MTRR: variants seen among roughly 807,000 people sequenced by gnomAD.
MTRR encodes 5-methyltetrahydrofolate-homocysteine methyltransferase reductase.
In MTRR, 63 loss-of-function variants were observed where a neutral mutation model predicts 79.2. The ratio of observed to expected loss-of-function variants is 0.80; its 90% confidence interval spans 0.65 to 0.98. The LOEUF (loss-of-function observed/expected upper bound fraction) is 0.98. Ranked by LOEUF, MTRR falls within the 50% of genes least tolerant of loss-of-function variation. MTRR has a pLI of 0.00. For synonymous variants in MTRR, 355 were observed against 313.3 expected, an observed-to-expected ratio of 1.13 and a Z score of -1.41; for missense variants, 895 against 839.6, an observed-to-expected ratio of 1.07 and a Z score of -0.82.
At position 7,885,681 on chromosome 5, in the gene MTRR, T is replaced by TTC. The variant is rs1554003809; in HGVS notation, c.904-20_904-19insTC. On this transcript the variant is annotated intron_variant, in intron 6 of 14. Transcript: ENST00000440940. ...ACACGTATAATGTATTTTTTTTTTT[T>TTC]CATTTTGGCTCTTCTCTAGAATACA... is the stretch of plus-strand genomic sequence containing the variant. 259,793 of 1,580,366 alleles carry TTC rather than the reference T, an allele frequency of 0.16. 8,619 individuals carry two copies. Among genetic ancestry groups the TTC allele is most frequent in the Non-Finnish European group, 0.18 (212,270 of 1,152,956 alleles).
intron 12 of MTRR, 28 bp from the exon 13 acceptor site, chr5:7,896,836 C>G (rs765923727): frequency 5.7e-6 from 9 of 1,577,778 alleles, no homozygotes. Context: ...TTATATCACA[C>G]ACCTAAACTT....
exon 1 of MTRR, chr5:7,851,256 CTCCTTCCT>C: frequency 2.4e-6 from 1 of 412,612 alleles, no homozygotes. Context: ...CCTGGGGTCT[CTCCTTCCT>C]TCCTCCTCGG....
At position 7,897,166 on chromosome 5, in the gene MTRR, A is replaced by C; in HGVS notation, c.1871A>C (p.Tyr624Ser). ...GGGGAGGAGGAAGCCCCAGCAAAGT[A>C]TGTGCAAGACAACATCCAGCTTCAT... is the stretch of plus-strand genomic sequence containing the variant. ...PVGEEEAPAK[Y>S]VQDNIQLHGQ... Residue 624 changes from tyrosine (Y) to serine (S), a missense_variant, in exon 14 of 15, where the codon TAT becomes TCT. Physicochemically the swap from Tyr to Ser is moderately radical, Grantham distance 144. Transcript: ENST00000440940. 6.2e-7 allele frequency: 1 copy of C among 1,614,174 alleles called. No individual in the cohort carries two copies. Among genetic ancestry groups the C allele is most frequent in the Non-Finnish European group, 8.5e-7 (1 of 1,180,032 alleles).
intron 3 of MTRR, among the ~76,000 whole-genome samples, chr5:7,874,343 C>T (rs1748492483): frequency 6.6e-6 from 1 of 152,018 alleles, no homozygotes; most frequent in South Asian, 2.1e-4. Context: ...TGGCAATGAT[C>T]TGTCATATAT....
chr5:7,868,189 A>C, upstream of MTRR: 17 of 482,230 alleles, frequency 3.5e-5, no homozygotes, highest in Admixed American at 8.6e-5. Context: ...GAAACTACAA[A>C]CGAGTATCTG....
chr5:7,896,983 C>T lies in MTRR; in HGVS notation c.1769+27C>T, dbSNP rs377156273. On this transcript the variant is annotated intron_variant, in intron 13 of 14. Transcript: ENST00000440940. The stretch of plus-strand genomic sequence containing the variant: ...TATTGTACAATTCCAGTATTGTACT[C>T]AACCACTGAGTGTACAATTCTAATT... 9 of 1,609,820 alleles carry T rather than the reference C, an allele frequency of 5.6e-6. No homozygotes were observed. The African/African-American group carries it at 1.2e-4, about 22-fold the overall frequency.
In MTRR at chr5:7,857,789, T is replaced by C. The variant is rs116094267; in HGVS notation, n.392-4162T>C. ...TGTGCCCAGCGTGATCAGAACTGTC[T>C]GCTGAATGCGTACGTGAAGAGGGTA... is the stretch of plus-strand genomic sequence containing the variant. On this transcript the variant is annotated intron_variant and non_coding_transcript_variant, in intron 1 of 3. Coordinates refer to the MTRR transcript ENST00000502509. Among the ~76,000 whole-genome samples the C allele has an allele frequency of 4.0e-3, 614 of 152,312 alleles. 8 individuals carry two copies. The highest frequency in any genetic ancestry group is 0.014 in the African/African-American group (573 of 41,560).
intron 4 of MTRR, among the ~76,000 whole-genome samples, chr5:7,877,657 G>A (rs1734803936): frequency 6.6e-6 from 1 of 152,038 alleles, no homozygotes; most frequent in Non-Finnish European, 1.5e-5. Flanking sequence ...TGGAATATTA[G>A]GAGGAATTCT....
chr5:7,892,768 A>G lies in MTRR; in HGVS notation c.1412A>G (p.Asn471Ser), dbSNP rs915446132. ...CCAGGAAAGCTCCATTTTGTCTTCA[A>G]CATTGTGGAATTTCTGTCTACTGCC... ...FHPGKLHFVFNIVEFLSTATT... is the reference protein window; with the variant it reads ...FHPGKLHFVFSIVEFLSTATT... Residue 471 changes from asparagine (N) to serine (S), a missense_variant, in exon 11 of 15, where the codon AAC becomes AGC. Asn to Ser is a conservative substitution (Grantham distance 46). Transcript: ENST00000440940. 1.2e-6 allele frequency: 2 copies of G among 1,614,122 alleles called. No homozygotes were observed. The highest frequency in any genetic ancestry group is 1.7e-5 in the Admixed American group (1 of 60,016).
At chr5:7,859,996 G>A (rs964956998) in intron 1 of MTRR, among the ~76,000 whole-genome samples, 2 of 152,138 alleles carry the variant, frequency 1.3e-5, no homozygotes, top group Non-Finnish European at 2.9e-5. Flanking sequence ...GAGGGAGAGA[G>A]CAGGAGGCGC....
intron 8 of MTRR, among the ~76,000 whole-genome samples, chr5:7,888,789 G>T (rs536162662): frequency 6.6e-6 from 1 of 152,164 alleles, no homozygotes; most frequent in Non-Finnish European, 1.5e-5. Flanking sequence ...TTAATAACTT[G>T]TAATTGCATT....
At chr5:7,869,644 G>A (rs534500617) in intron 1 of MTRR, 4 of 231,826 alleles carry the variant, frequency 1.7e-5, no homozygotes, top group South Asian at 1.5e-4. Context: ...GCCCGCGGCC[G>A]TGAGCTCTGC....
At position 7,883,151 on chromosome 5, in the gene MTRR, C is replaced by T. The variant is rs1057521905; in HGVS notation, c.781-4C>T. The T allele has an allele frequency of 1.2e-6, 2 of 1,614,132 alleles. No homozygotes were observed. Among genetic ancestry groups the T allele is most frequent in the Non-Finnish European group, 8.5e-7 (1 of 1,180,016 alleles). ...CTTACGTTTTGTCACATTTGTTTTT[C>T]AAGGAGGAAAGCCAAGTATCTGTGA... On this transcript the variant is annotated splice_polypyrimidine_tract_variant and splice_region_variant and intron_variant, in intron 5 of 14. Transcript: ENST00000440940.
chr5:7,861,496 T>G, intron 1 of MTRR: 1 of 984,186 alleles, frequency 1.0e-6, no homozygotes. Flanking sequence ...ATCATATCTA[T>G]TTTTTTCACC....
At chr5:7,875,812 G>GC (rs1561171299) in intron 4 of MTRR, among the ~76,000 whole-genome samples, 2 of 152,246 alleles carry the variant, frequency 1.3e-5, no homozygotes, top group Admixed American at 6.5e-5. Context: ...TTCGCTGCAG[G>GC]CTGCATTGCT....
intron 1 of MTRR, among the ~76,000 whole-genome samples, chr5:7,853,082 G>A (rs1302975340): frequency 6.6e-6 from 1 of 152,182 alleles, no homozygotes; most frequent in Non-Finnish European, 1.5e-5. Flanking sequence ...CTTGGATGGA[G>A]ATATGGTTAG....
rs1739349889 is a variant in MTRR, at chr5:7,900,760, T to A, written c.*702T>A. ...GAATTTTGGGACATTTGCATTCAAT[T>A]TACAGGTACCAGTACGTACATATTT... On this transcript the variant is annotated 3_prime_UTR_variant, in exon 15 of 15. Transcript: ENST00000440940. 1 of 152,728 alleles carries A rather than the reference T, an allele frequency of 6.5e-6. No homozygotes were observed. Among genetic ancestry groups the A allele is most frequent in the Non-Finnish European group, 1.5e-5 (1 of 68,114 alleles). 9.5% of individuals were successfully genotyped at this position (152,728 alleles called of 1,614,324 possible).
chr5:7,853,161 A>G (rs563791306), intron 1 of MTRR, among the ~76,000 whole-genome samples: 3 of 152,294 alleles, frequency 2.0e-5, no homozygotes, highest in East Asian at 3.9e-4. Flanking sequence ...CAAAGGAGTG[A>G]CCAAGTGGAG....
chr5:7,874,264 G>T (rs1748480921), intron 3 of MTRR, among the ~76,000 whole-genome samples: 1 of 152,134 alleles, frequency 6.6e-6, no homozygotes, highest in Non-Finnish European at 1.5e-5. Flanking sequence ...ATTATTTTTT[G>T]GAGAGGGTAT....
Sources: gnomAD v4.1 joint callset for allele counts (sites outside exome capture counted in the v4.1 genomes callset) on GRCh38, gnomAD v4.1.1 for gene constraint, MANE v1.5 for transcripts, NCBI Gene and HGNC (gene_info 2026-07-23, HGNC 2026-07-21) for gene names.